Variants in OLFM2 observed in about 807,000 individuals in gnomAD.
The protein encoded by OLFM2 is olfactomedin 2.
OLFM2 carries 20 observed loss-of-function variants against 43.9 expected under a neutral mutation model. That is an observed-to-expected ratio of 0.46 (90% CI 0.32 to 0.66). OLFM2 has a LOEUF of 0.66. Ranked by LOEUF, OLFM2 falls within the 30% of genes least tolerant of loss-of-function variation. OLFM2 has a pLI of 0.04. For missense variants in OLFM2, 416 were observed against 643.6 expected, an observed-to-expected ratio of 0.65 and a Z score of 3.83; for synonymous variants, 268 against 278.6, an observed-to-expected ratio of 0.96 and a Z score of 0.38.
At chr19:9,861,419 C>A (rs4804116) in intron 1 of OLFM2, among the ~76,000 whole-genome samples, 16,792 of 152,050 alleles carry the variant, frequency 0.11, 981 homozygotes, top group Middle Eastern at 0.17. Flanking sequence ...CCGTCTCAGC[C>A]TCCCAAAGTG....
chr19:9,930,026 C>T (rs536548849), intron 1 of OLFM2, among the ~76,000 whole-genome samples: 9 of 151,754 alleles, frequency 5.9e-5, no homozygotes, highest in African/African-American at 7.2e-5. Context: ...GCAACAAGAG[C>T]GAAACTCCAT....
intron 1 of OLFM2, among the ~76,000 whole-genome samples, chr19:9,867,256 A>C (rs1405630454): frequency 6.6e-6 from 1 of 152,198 alleles, no homozygotes; most frequent in Non-Finnish European, 1.5e-5. Context: ...CTGTAAGCCC[A>C]GCTACTCAGG....
intron 1 of OLFM2, among the ~76,000 whole-genome samples, chr19:9,906,847 C>T (rs952389379): frequency 3.9e-5 from 6 of 152,188 alleles, no homozygotes; most frequent in African/African-American, 1.4e-4. Context: ...CCTTTTGGCC[C>T]TAGCTACCCT....
At chr19:9,866,228 C>T (rs2145440170) in intron 1 of OLFM2, among the ~76,000 whole-genome samples, 1 of 152,264 alleles carries the variant, frequency 6.6e-6, no homozygotes, top group African/African-American at 2.4e-5. Flanking sequence ...GGTTTAAGTT[C>T]AGATATGCAG....
chr19:9,864,093 T>C (rs2046383226), intron 1 of OLFM2, among the ~76,000 whole-genome samples: 1 of 152,190 alleles, frequency 6.6e-6, no homozygotes, highest in African/African-American at 2.4e-5. Context: ...ACCCTGCCCT[T>C]GCATGGGGCC....
chr19:9,867,333 T>C (rs545622271), intron 1 of OLFM2, among the ~76,000 whole-genome samples: 5 of 152,168 alleles, frequency 3.3e-5, no homozygotes, highest in Admixed American at 3.3e-4. Flanking sequence ...ATCGTGCCAT[T>C]GCACTCCAGC....
rs796349134 is a variant in OLFM2 at position 9,885,722 on chromosome 19, G to A, written c.64-24928C>T. Among the ~76,000 whole-genome samples the A allele has an allele frequency of 5.3e-5, 8 of 152,108 alleles. No homozygotes were observed. The South Asian group carries it at 1.5e-3, about 28-fold the overall frequency. On this transcript the variant is annotated intron_variant, in intron 1 of 5. Coordinates refer to ENST00000264833, the MANE Select transcript of OLFM2 (RefSeq NM_058164.4). ...CCACCCTTGTGGAGCAAGCCAAACC[G>A]GGACTTTACCTAGGATCTCATCTTT...
chr19:9,913,671 C>T (rs1208925416), intron 1 of OLFM2: 55 of 1,125,562 alleles, frequency 4.9e-5, no homozygotes, highest in Admixed American at 1.0e-4. Context: ...TTCTCTGGCC[C>T]GCCGCGGGGC....
chr19:9,893,528 C>CG, intron 1 of OLFM2, among the ~76,000 whole-genome samples: 1 of 151,970 alleles, frequency 6.6e-6, no homozygotes. Flanking sequence ...TTGAGTGAAC[C>CG]CCCCGTCTTG....
At chr19:9,922,079 GTGAGAC>G (rs2086425022) in intron 1 of OLFM2, among the ~76,000 whole-genome samples, 1 of 149,460 alleles carries the variant, frequency 6.7e-6, no homozygotes, top group East Asian at 2.0e-4. Context: ...GGGCAACAGA[GTGAGAC>G]CCTGTCTCAA....
chr19:9,869,323 TA>T (rs1487746240), intron 1 of OLFM2, among the ~76,000 whole-genome samples: 1 of 152,188 alleles, frequency 6.6e-6, no homozygotes, highest in East Asian at 1.9e-4. Context: ...TAGTTTCCTC[TA>T]GATGTTTCTT....
chr19:9,910,030 T>C (rs1257592578), intron 1 of OLFM2, among the ~76,000 whole-genome samples: 1 of 152,204 alleles, frequency 6.6e-6, no homozygotes, highest in African/African-American at 2.4e-5. Context: ...TCTTCAAGGA[T>C]CTTACCATCT....
chr19:9,934,107 G>A (rs1030024441), intron 1 of OLFM2, among the ~76,000 whole-genome samples: 1 of 152,192 alleles, frequency 6.6e-6, no homozygotes, highest in Admixed American at 6.5e-5. Context: ...ATCAGGGACA[G>A]GGAAGAAGTC....
intron 1 of OLFM2, among the ~76,000 whole-genome samples, chr19:9,916,334 G>T (rs12610419): frequency 0.42 from 63,128 of 151,950 alleles, 13,710 homozygotes; most frequent in Admixed American, 0.55. Context: ...TCCAGCCTGG[G>T]CGACAGACGA....
intron 1 of OLFM2, among the ~76,000 whole-genome samples, chr19:9,925,303 C>T (rs1165120725): frequency 2.0e-5 from 3 of 152,058 alleles, no homozygotes; most frequent in Admixed American, 6.6e-5. Context: ...TTGACAAAAA[C>T]GTTGTGGTCA....
intron 1 of OLFM2, among the ~76,000 whole-genome samples, chr19:9,870,097 A>T (rs2046431231): frequency 6.6e-6 from 1 of 151,842 alleles, no homozygotes; most frequent in Non-Finnish European, 1.5e-5. Flanking sequence ...GTGGAGTCTC[A>T]CTATGTTGCC....
At chr19:9,895,871 A>G (rs1214813127) in intron 1 of OLFM2, among the ~76,000 whole-genome samples, 1 of 151,706 alleles carries the variant, frequency 6.6e-6, no homozygotes, top group African/African-American at 2.4e-5. Context: ...CCTGACCTCA[A>G]GTGATTCACC....
At chr19:9,882,951 C>G (rs980345114) in intron 1 of OLFM2, among the ~76,000 whole-genome samples, 5 of 151,642 alleles carry the variant, frequency 3.3e-5, no homozygotes, top group Non-Finnish European at 7.4e-5. Flanking sequence ...GTAATCCCCC[C>G]ACTTTGGGAG....
chr19:9,903,148 C>T (rs561352911), intron 1 of OLFM2, among the ~76,000 whole-genome samples: 2 of 152,180 alleles, frequency 1.3e-5, no homozygotes, highest in Non-Finnish European at 2.9e-5. Context: ...CCCACTTTGG[C>T]CTCTCAAAGC....
Sources: gnomAD v4.1 joint callset for allele counts (sites outside exome capture counted in the v4.1 genomes callset) on GRCh38, gnomAD v4.1.1 for gene constraint, MANE v1.5 for transcripts, NCBI Gene and HGNC (gene_info 2026-07-23, HGNC 2026-07-21) for gene names.